Variants in ARPC1B observed in about 807,000 individuals in gnomAD.
ARPC1B encodes the protein actin-related protein 2/3 complex subunit 1B.
In ARPC1B, 29 loss-of-function variants were observed where a neutral mutation model predicts 46.0. The observed-to-expected ratio is 0.63, with a 90% CI of 0.47 to 0.86. The LOEUF (loss-of-function observed/expected upper bound fraction) is 0.86, where lower values mean the gene tolerates loss of function less well. Among genes scored for constraint, ARPC1B ranks in the 40% least tolerant of loss-of-function variants. The probability of loss-of-function intolerance (pLI) is 0.00; values close to 1 mark genes in which losing one functional copy is unlikely to be tolerated. For synonymous variants in ARPC1B, 201 were observed against 213.9 expected (o/e 0.94, Z 0.53); for missense variants, 469 against 529.4 (o/e 0.89, Z 1.12).
chr7:99,379,534 C>A (rs927875463), intron 1 of ARPC1B, among the ~76,000 whole-genome samples: 3 of 152,164 alleles, frequency 2.0e-5, no homozygotes. Context: ...GCCTCTGATA[C>A]AGCCAAACCT....
At chr7:99,394,359 T>C in intron 9 of ARPC1B, 92 bp from the exon 10 acceptor site, 1 of 1,227,998 alleles carries the variant, frequency 8.1e-7, no homozygotes, top group Admixed American at 1.7e-5. Flanking sequence ...TGCCCTCTGC[T>C]GTGCTGGGGC....
rs770878991 is a variant in ARPC1B, at chr7:99,394,503, T to C, written c.*14T>C. 3.7e-6 allele frequency: 6 copies of C among 1,613,996 alleles called. No homozygotes were observed. Among genetic ancestry groups the C allele is most frequent in the South Asian group, 3.3e-5 (3 of 91,070 alleles). Reference sequence around the variant, plus strand: ...AAGATCAAATGACCTGTGAGGAATATGTTGCCTTCATCCTAGCTGCTGGGG... The same window carrying C: ...AAGATCAAATGACCTGTGAGGAATACGTTGCCTTCATCCTAGCTGCTGGGG... On this transcript the variant is annotated 3_prime_UTR_variant, in exon 10 of 10. Coordinates refer to ENST00000646101, the MANE Select transcript of ARPC1B (RefSeq NM_005720.4).
At chr7:99,375,116 C>T (rs1007959295) in intron 1 of ARPC1B, among the ~76,000 whole-genome samples, 1 of 152,006 alleles carries the variant, frequency 6.6e-6, no homozygotes, top group African/African-American at 2.4e-5. Context: ...CGGGCGCCCT[C>T]GGGGCGTCCC....
At chr7:99,387,661 C>T (rs1287265964) in intron 3 of ARPC1B, among the ~76,000 whole-genome samples, 1 of 150,586 alleles carries the variant, frequency 6.6e-6, no homozygotes, top group Non-Finnish European at 1.5e-5. Context: ...TGCTTGAACC[C>T]GGAAGATGGT....
chr7:99,388,076 C>T lies in ARPC1B; in HGVS notation c.207C>T (p.Thr69=). Residue 69 remains threonine (T), a synonymous_variant, in exon 4 of 10, where the codon ACC becomes ACT. Transcript: ENST00000646101. ...DWAPESNRIV[T]CGTDRNAYVW... ...CCCCCGAGAGTAACCGTATTGTGAC[C>T]TGCGGCACAGACCGCAACGCCTACG... 6.2e-7 allele frequency: 1 copy of T among 1,613,262 alleles called. No individual in the cohort carries two copies. The highest frequency in any genetic ancestry group is 1.1e-5 in the South Asian group (1 of 91,054).
At chr7:99,387,736 C>CAAA (rs35192470) in intron 3 of ARPC1B, among the ~76,000 whole-genome samples, 3 of 61,398 alleles carry the variant, frequency 4.9e-5, no homozygotes, top group Non-Finnish European at 7.0e-5. Flanking sequence ...GACTCTGTCT[C>CAAA]AAAAAAAAAA....
chr7:99,386,230 A>T, intron 2 of ARPC1B: 1 of 359,048 alleles, frequency 2.8e-6, no homozygotes, highest in Non-Finnish European at 5.4e-6. Context: ...CAGCCTGGGC[A>T]ACAAAGCGAG....
chr7:99,392,817 C>T lies in ARPC1B; in HGVS notation c.930C>T (p.Ser310=), dbSNP rs747924128. 1.1e-4 allele frequency: 171 copies of T among 1,550,118 alleles called. No homozygotes were observed. Among genetic ancestry groups the T allele is most frequent in the Non-Finnish European group, 1.4e-4 (162 of 1,146,804 alleles). Residue 310 remains serine, a synonymous_variant, in exon 8 of 10, where the codon AGC becomes AGT. Coordinates refer to ENST00000646101, the MANE Select transcript of ARPC1B (RefSeq NM_005720.4). ...TCCAGAACCTGGACAAGAAGGCGAGCTCCGAGGGTGGCACGGCTGCGGGCG... is the reference window on the plus strand; with the variant it reads ...TCCAGAACCTGGACAAGAAGGCGAGTTCCGAGGGTGGCACGGCTGCGGGCG... ...ERFQNLDKKA[S]SEGGTAAGAG... is the part of the protein sequence containing the mutation.
At chr7:99,387,917 C>A (rs1794444614) in intron 3 of ARPC1B, 122 bp from the exon 4 acceptor site, 1 of 673,000 alleles carries the variant, frequency 1.5e-6, no homozygotes, top group South Asian at 1.9e-5. Context: ...AAAAAAAGTG[C>A]CTGCTGGGCA....
chr7:99,391,486 T>C, intron 7 of ARPC1B, among the ~76,000 whole-genome samples: 1 of 152,206 alleles, frequency 6.6e-6, no homozygotes, highest in African/African-American at 2.4e-5. Context: ...GGCTCACACT[T>C]AAAATCCCAG....
At chr7:99,387,365 C>T (rs1408522732) in intron 3 of ARPC1B, among the ~76,000 whole-genome samples, 6 of 152,074 alleles carry the variant, frequency 3.9e-5, no homozygotes, top group South Asian at 2.1e-4. Flanking sequence ...ACCCAGGAGG[C>T]GGAGGTTGAA....
chr7:99,390,698 A>C (rs1794544451), intron 5 of ARPC1B, among the ~76,000 whole-genome samples, 195 bp from the exon 6 acceptor site: 1 of 151,256 alleles, frequency 6.6e-6, no homozygotes, highest in East Asian at 1.9e-4. Context: ...ACCCTTTAAA[A>C]AAAATTTTTT....
In ARPC1B at chr7:99,394,023, T is replaced by C; in HGVS notation, c.990-6T>C. On this transcript the variant is annotated splice_region_variant and splice_polypyrimidine_tract_variant and intron_variant, in intron 8 of 9. Transcript: ENST00000646101. ...TGAATTCATAAGCTCCTCTTCCTCT[T>C]TGCAGCCAGATCTCGGTGCTCAGCG... 1 of 1,612,426 alleles carries C rather than the reference T, an allele frequency of 6.2e-7. No homozygotes were observed. Among genetic ancestry groups the C allele is most frequent in the South Asian group, 1.1e-5 (1 of 91,080 alleles).
rs2150896538 is a variant in ARPC1B, at chr7:99,391,272, A to AG, written c.783+22dup. On this transcript the variant is annotated intron_variant, in intron 7 of 9. Coordinates refer to ENST00000646101, the MANE Select transcript of ARPC1B (RefSeq NM_005720.4). The stretch of plus-strand genomic sequence containing the variant: ...GGCAGCGGTGAGGAATAGGGAGGGG[A>AG]GGGAGGGTGTGTGGTCACAGCAGGC... 6.3e-7 allele frequency: 1 copy of AG among 1,580,456 alleles called. No homozygotes were observed. Among genetic ancestry groups the AG allele is most frequent in the Non-Finnish European group, 8.7e-7 (1 of 1,151,286 alleles).
chr7:99,390,024 C>T lies in ARPC1B; in HGVS notation c.500+12C>T, dbSNP rs368790197. 1.1e-3 allele frequency: 1,759 copies of T among 1,610,760 alleles called. 4 individuals carry two copies. The highest frequency in any genetic ancestry group is 1.4e-3 in the Non-Finnish European group (1,626 of 1,177,452). ...GACTTCAAGTGTCGGTGAGACAGGG[C>T]GCCATGGGGGAGGGCGGGGCTGACG... On this transcript the variant is annotated intron_variant, in intron 5 of 9. Transcript: ENST00000646101.
rs1310827692 is a variant in ARPC1B at position 99,392,890 on chromosome 7, C to T, written c.989+14C>T. ...GAACAGCGTCAGGTGAGAGCGGGAG[C>T]CGGGCCGGCGGGTGGGCGGGGCCTC... On this transcript the variant is annotated intron_variant, in intron 8 of 9. Transcript: ENST00000646101. 3.3e-6 allele frequency: 5 copies of T among 1,526,658 alleles called. No individual in the cohort carries two copies. In the South Asian group the frequency reaches 4.8e-5, roughly 15 times the overall value. The allele number at this position is 1,526,658 out of a possible 1,614,324, so 94.6% of individuals were successfully genotyped here.
At chr7:99,382,120 G>T (rs1386174572) in intron 1 of ARPC1B, among the ~76,000 whole-genome samples, 1 of 152,164 alleles carries the variant, frequency 6.6e-6, no homozygotes, top group Non-Finnish European at 1.5e-5. Context: ...CAGGGCTGGT[G>T]GGAGTGTTGA....
At chr7:99,393,931 C>G in intron 8 of ARPC1B, 98 bp from the exon 9 acceptor site, 1 of 1,230,922 alleles carries the variant, frequency 8.1e-7, no homozygotes, top group Non-Finnish European at 1.2e-6. Flanking sequence ...TCACTAAAGC[C>G]CGCTCCCCAA....
chr7:99,389,656 G>T, intron 4 of ARPC1B: 1 of 462,252 alleles, frequency 2.2e-6, no homozygotes, highest in Non-Finnish European at 4.0e-6. Flanking sequence ...ACTTTGCTGA[G>T]CCTGCTCTGA....
Sources: gnomAD v4.1 joint callset for allele counts (sites outside exome capture counted in the v4.1 genomes callset) on GRCh38, gnomAD v4.1.1 for gene constraint, MANE v1.5 for transcripts, NCBI Gene and HGNC (gene_info 2026-07-23, HGNC 2026-07-21) for gene names.